The following FALEC variants were observed in gnomAD, a reference collection of about 807,000 sequenced individuals.
FALEC encodes the protein focally amplified lncRNA regulator of ECM1.
chr1:150,528,737 A>C, the FALEC span, among the ~76,000 whole-genome samples: 1 of 151,844 alleles, frequency 6.6e-6, no homozygotes, highest in Non-Finnish European at 1.5e-5. Flanking sequence ...GGTGCCCACC[A>C]CCACGCCCAG....
At chr1:150,523,262 G>A in the FALEC span, among the ~76,000 whole-genome samples, 1 of 147,830 alleles carries the variant, frequency 6.8e-6, no homozygotes, top group African/African-American at 2.5e-5. Flanking sequence ...CAAAGTGCTG[G>A]GATTACAGGT....
chr1:150,525,695 T>C, the FALEC span, among the ~76,000 whole-genome samples: 1 of 152,336 alleles, frequency 6.6e-6, no homozygotes, highest in African/African-American at 2.4e-5. Context: ...TTGCCTAGCT[T>C]ATTTAAGGCT....
chr1:150,518,349 T>A (rs1353967706), downstream of FALEC, among the ~76,000 whole-genome samples: 1 of 151,836 alleles, frequency 6.6e-6, no homozygotes, highest in African/African-American at 2.4e-5. Flanking sequence ...GTTTCTCTCC[T>A]TTTTCCTTGT....
the FALEC span, among the ~76,000 whole-genome samples, chr1:150,531,030 A>G: frequency 1.3e-5 from 2 of 152,352 alleles, no homozygotes; most frequent in South Asian, 4.1e-4. Flanking sequence ...ATCTTTGCAC[A>G]GAGAATACCT....
At chr1:150,526,349 CAAA>C in the FALEC span, among the ~76,000 whole-genome samples, 4 of 61,828 alleles carry the variant, frequency 6.5e-5, no homozygotes, top group Non-Finnish European at 1.3e-4. Context: ...AACTCCGTCT[CAAA>C]AAAAAAAAAA....
chr1:150,523,651 CAAAA>C, the FALEC span, among the ~76,000 whole-genome samples: 15 of 109,000 alleles, frequency 1.4e-4, no homozygotes, highest in Admixed American at 3.0e-4. Context: ...GAGACTCCGT[CAAAA>C]AAAAAAAAAA....
At chr1:150,523,811 A>G in the FALEC span, among the ~76,000 whole-genome samples, 5 of 152,162 alleles carry the variant, frequency 3.3e-5, no homozygotes, top group Admixed American at 2.0e-4. Flanking sequence ...GGAACTTTGC[A>G]GATACAGCCA....
chr1:150,534,645 C>G, the FALEC span, among the ~76,000 whole-genome samples: 4 of 151,988 alleles, frequency 2.6e-5, no homozygotes, highest in Admixed American at 6.5e-5. Flanking sequence ...AAATCGAGAC[C>G]ATCCTGGCCA....
chr1:150,516,264 G>C (rs963057645), intron 1 of FALEC, among the ~76,000 whole-genome samples: 2 of 151,968 alleles, frequency 1.3e-5, no homozygotes, highest in African/African-American at 4.8e-5. Context: ...AAAAGGGAGC[G>C]GGGGGGCTTT....
exon 1 of FALEC, chr1:150,515,786 G>A (rs1670559446): frequency 6.6e-6 from 1 of 152,398 alleles, no homozygotes. Context: ...CAGGACAGAG[G>A]AACCGGGGGA....
At chr1:150,521,718 T>TG (rs1405963026), downstream of FALEC, among the ~76,000 whole-genome samples, 1 of 152,212 alleles carries the variant, frequency 6.6e-6, no homozygotes, top group Admixed American at 6.5e-5. Context: ...GCAGGCCATG[T>TG]TTGTCATAAA....
chr1:150,528,297 G>C, the FALEC span, among the ~76,000 whole-genome samples: 1 of 152,166 alleles, frequency 6.6e-6, no homozygotes, highest in Non-Finnish European at 1.5e-5. Flanking sequence ...TTGCAAAGAT[G>C]TCAACTCCTG....
the FALEC span, among the ~76,000 whole-genome samples, chr1:150,529,759 G>T: frequency 2.6e-5 from 4 of 152,012 alleles, no homozygotes; most frequent in East Asian, 7.8e-4. Flanking sequence ...CACCACGCCC[G>T]GCTAATTTTT....
At chr1:150,517,987 C>T (rs888800282) in exon 2 of FALEC, 1 of 152,122 alleles carries the variant, frequency 6.6e-6, no homozygotes, top group African/African-American at 2.4e-5. Flanking sequence ...TAATGTATTT[C>T]TGCACTCTAC....
chr1:150,532,266 G>T, the FALEC span, among the ~76,000 whole-genome samples: 3 of 152,152 alleles, frequency 2.0e-5, no homozygotes, highest in Admixed American at 1.3e-4. Flanking sequence ...GAACGAAAGC[G>T]CAGGGAGCAG....
the FALEC span, among the ~76,000 whole-genome samples, chr1:150,533,558 C>A: frequency 6.6e-6 from 1 of 151,074 alleles, no homozygotes; most frequent in Non-Finnish European, 1.5e-5. Flanking sequence ...ACCTTAGCCT[C>A]TTGAGTAGCT....
downstream of FALEC, among the ~76,000 whole-genome samples, chr1:150,518,388 T>C (rs924331001): frequency 1.6e-4 from 22 of 137,524 alleles, no homozygotes; most frequent in African/African-American, 5.4e-4. Flanking sequence ...GTCTCTCTCT[T>C]TTTTTTTTTT....
chr1:150,533,892 G>A, the FALEC span, among the ~76,000 whole-genome samples: 5 of 152,206 alleles, frequency 3.3e-5, no homozygotes, highest in Non-Finnish European at 7.3e-5. Context: ...GTTCAGATGT[G>A]GCCTTGGAGG....
chr1:150,520,254 T>C (rs1032908392), downstream of FALEC, among the ~76,000 whole-genome samples: 2 of 152,176 alleles, frequency 1.3e-5, no homozygotes, highest in Non-Finnish European at 2.9e-5. Flanking sequence ...TGTACAACCG[T>C]CACCACTATC....
Sources: allele counts gnomAD v4.1 joint callset (sites outside exome capture counted in the v4.1 genomes callset), GRCh38; gene constraint gnomAD v4.1.1; transcripts MANE v1.5; gene names NCBI Gene and HGNC (gene_info 2026-07-23, HGNC 2026-07-21).